The following ANAPC10 variants were observed in gnomAD, a reference collection of about 807,000 sequenced individuals.
The protein encoded by ANAPC10 is anaphase-promoting complex subunit 10.
A neutral mutation model predicts 22.0 loss-of-function variants in ANAPC10; 12 were observed. The ratio of observed to expected loss-of-function variants is 0.55; its 90% CI spans 0.35 to 0.88. ANAPC10 has a LOEUF of 0.88. ANAPC10 is among the 40% of genes least tolerant of loss of function. The pLI, the probability that ANAPC10 is intolerant of heterozygous loss-of-function variation, is 0.01. For missense variants in ANAPC10, 188 were observed against 220.9 expected (o/e 0.85, Z 0.94); for synonymous variants, 65 against 69.5 (o/e 0.94, Z 0.32).
At chr4:145,092,170 G>C (rs1747777564) in intron 2 of ANAPC10, among the ~76,000 whole-genome samples, 1 of 152,086 alleles carries the variant, frequency 6.6e-6, no homozygotes, top group South Asian at 2.1e-4. Flanking sequence ...TGTCAGGATG[G>C]GGTAGGGGGA....
At chr4:145,082,412 G>A (rs1162820042) in intron 2 of ANAPC10, among the ~76,000 whole-genome samples, 2 of 152,172 alleles carry the variant, frequency 1.3e-5, no homozygotes, top group East Asian at 1.9e-4. Flanking sequence ...GCTTCCCAAA[G>A]TGCTGGGATT....
At chr4:145,033,086 G>C (rs1267769833) in intron 4 of ANAPC10, 1 of 152,232 alleles carries the variant, frequency 6.6e-6, no homozygotes, top group Non-Finnish European at 1.5e-5. Flanking sequence ...CAGAATGGTG[G>C]AATAGCCTTT....
intron 4 of ANAPC10, among the ~76,000 whole-genome samples, chr4:145,032,761 T>C (rs1737819571): frequency 6.6e-6 from 1 of 152,210 alleles, no homozygotes; most frequent in East Asian, 1.9e-4. Flanking sequence ...GCCCTTGATG[T>C]GGCACCATTC....
At chr4:145,082,419 G>A (rs1746205270) in intron 2 of ANAPC10, among the ~76,000 whole-genome samples, 1 of 152,248 alleles carries the variant, frequency 6.6e-6, no homozygotes, top group Non-Finnish European at 1.5e-5. Context: ...AAAGTGCTGG[G>A]ATTACAGGCG....
chr4:145,054,616 TGTGTGTGTGTGTGTGTGTGTGTGTGC>T (rs1313299374), intron 4 of ANAPC10, among the ~76,000 whole-genome samples: 3 of 112,312 alleles, frequency 2.7e-5, no homozygotes, highest in African/African-American at 8.3e-5. Flanking sequence ...TGTGTGTGTG[TGTGTGTGTGTGTGTGTGTGTGTGTGC>T]GCGCGCGCGC....
chr4:145,048,401 TG>T (rs1480689292), intron 4 of ANAPC10, among the ~76,000 whole-genome samples: 1 of 152,180 alleles, frequency 6.6e-6, no homozygotes, highest in Non-Finnish European at 1.5e-5. Flanking sequence ...TGTTACCACA[TG>T]GGTCACAAAT....
chr4:145,041,727 A>T (rs1247701944), intron 4 of ANAPC10, among the ~76,000 whole-genome samples: 2 of 152,230 alleles, frequency 1.3e-5, no homozygotes, highest in Non-Finnish European at 2.9e-5. Flanking sequence ...TGACTATTGG[A>T]TCTATTGACT....
At chr4:145,026,518 T>G (rs1245614260) in intron 4 of ANAPC10, among the ~76,000 whole-genome samples, 1 of 151,954 alleles carries the variant, frequency 6.6e-6, no homozygotes, top group Admixed American at 6.6e-5. Flanking sequence ...GAAAGTGATG[T>G]GTGCAAAGAC....
At chr4:145,034,633 A>G (rs547526826) in intron 4 of ANAPC10, among the ~76,000 whole-genome samples, 44 of 150,036 alleles carry the variant, frequency 2.9e-4, no homozygotes, top group African/African-American at 1.1e-3. Flanking sequence ...ATTATATATA[A>G]TATCCTATAT....
chr4:145,072,021 A>C (rs191117778), intron 3 of ANAPC10, among the ~76,000 whole-genome samples: 155 of 152,152 alleles, frequency 1.0e-3, no homozygotes, highest in Non-Finnish European at 1.9e-3. Context: ...AAAAAAAACA[A>C]AAAAAAACTA....
intron 4 of ANAPC10, among the ~76,000 whole-genome samples, chr4:145,021,167 A>G (rs1735913303): frequency 6.6e-6 from 1 of 152,180 alleles, no homozygotes; most frequent in Non-Finnish European, 1.5e-5. Flanking sequence ...ACAGCATTAG[A>G]AAAAAAGTAC....
chr4:145,084,761 C>G (rs905934130), intron 2 of ANAPC10, among the ~76,000 whole-genome samples: 1 of 152,084 alleles, frequency 6.6e-6, no homozygotes, highest in Non-Finnish European at 1.5e-5. Context: ...TGAAATATAG[C>G]AAGTCCAAAT....
intron 2 of ANAPC10, among the ~76,000 whole-genome samples, chr4:145,089,066 T>C (rs1040748180): frequency 2.6e-5 from 4 of 152,196 alleles, no homozygotes; most frequent in African/African-American, 9.6e-5. Context: ...ATTTCACTTA[T>C]AAAAGAGGCC....
intron 4 of ANAPC10, among the ~76,000 whole-genome samples, chr4:145,025,277 G>C (rs1467972150): frequency 4.0e-5 from 6 of 151,580 alleles, no homozygotes. Flanking sequence ...TTTCCTTCAG[G>C]AACTTTTCCA....
At chr4:145,022,986 T>G (rs1736177532) in intron 4 of ANAPC10, among the ~76,000 whole-genome samples, 1 of 152,064 alleles carries the variant, frequency 6.6e-6, no homozygotes. Flanking sequence ...AACTCGTCAT[T>G]TACATTAGGT....
intron 2 of ANAPC10, among the ~76,000 whole-genome samples, chr4:145,095,079 A>T (rs774687941): frequency 6.6e-6 from 1 of 152,212 alleles, no homozygotes; most frequent in Non-Finnish European, 1.5e-5. Context: ...CTAACTAGGG[A>T]ATAGTAAAGA....
chr4:145,023,721 G>T (rs902670812), intron 4 of ANAPC10, among the ~76,000 whole-genome samples: 1 of 152,182 alleles, frequency 6.6e-6, no homozygotes, highest in Admixed American at 6.6e-5. Context: ...CCTTTAGTGA[G>T]TCATAACCTT....
intron 2 of ANAPC10, among the ~76,000 whole-genome samples, chr4:145,090,501 A>G (rs1228154155): frequency 6.6e-6 from 1 of 152,202 alleles, no homozygotes; most frequent in Non-Finnish European, 1.5e-5. Flanking sequence ...CGTTTCAAGC[A>G]AAGTAAATCA....
At chr4:145,007,934 G>T (rs369921129) in intron 4 of ANAPC10, among the ~76,000 whole-genome samples, 1 of 151,168 alleles carries the variant, frequency 6.6e-6, no homozygotes, top group African/African-American at 2.4e-5. Context: ...TTGATAGACC[G>T]CTAGCAAGAC....
Sources: allele counts gnomAD v4.1 joint callset (sites outside exome capture counted in the v4.1 genomes callset), GRCh38; gene constraint gnomAD v4.1.1; transcripts MANE v1.5; gene names NCBI Gene and HGNC (gene_info 2026-07-23, HGNC 2026-07-21).